The following MED27 variants were observed in gnomAD, a reference collection of about 807,000 sequenced individuals.
MED27 encodes the protein mediator of RNA polymerase II transcription subunit 27.
Under a neutral mutation model 38.2 loss-of-function variants are expected in MED27, and 30 were observed. The observed-to-expected ratio is 0.79, with a 90% confidence interval of 0.59 to 1.07. MED27 has a LOEUF of 1.07. Ranked by LOEUF, MED27 falls within the 50% of genes least tolerant of loss-of-function variation. MED27 has a pLI of 0.00. For synonymous variants in MED27, 122 were observed against 153.5 expected, an observed-to-expected ratio of 0.79 and a Z score of 1.52; for missense variants, 289 against 397.5, an observed-to-expected ratio of 0.73 and a Z score of 2.32.
chr9:132,042,099 C>T (rs1339973844), intron 2 of MED27, among the ~76,000 whole-genome samples: 1 of 152,112 alleles, frequency 6.6e-6, no homozygotes, highest in Non-Finnish European at 1.5e-5. Context: ...GAGCACGGCA[C>T]GGGAAGCACA....
intron 2 of MED27, among the ~76,000 whole-genome samples, chr9:132,045,274 C>T (rs1416387538): frequency 6.6e-6 from 1 of 152,026 alleles, no homozygotes; most frequent in African/African-American, 2.4e-5. Context: ...GGCAACATAT[C>T]TATCGATACA....
At position 131,898,877 on chromosome 9, in the gene MED27, G is replaced by T. The variant is rs114655384; in HGVS notation, c.574-4885C>A. ...TGGGATTATAGGCATGAGCCACTGC[G>T]CCCGGCCTGGATTTTTAACATGGTA... On this transcript the variant is annotated intron_variant, in intron 4 of 7. Transcript: ENST00000292035. Among the ~76,000 whole-genome samples the T allele has an allele frequency of 8.2e-3, 1,253 of 152,282 alleles. 18 individuals carry two copies. Among genetic ancestry groups the T allele is most frequent in the African/African-American group, 0.029 (1,187 of 41,542 alleles).
At chr9:131,912,528 T>G (rs1426389872) in intron 4 of MED27, among the ~76,000 whole-genome samples, 1 of 152,198 alleles carries the variant, frequency 6.6e-6, no homozygotes, top group Non-Finnish European at 1.5e-5. Flanking sequence ...ACAGCAATGC[T>G]GCTCCCCACT....
chr9:131,937,360 G>A (rs1830703273), intron 4 of MED27, among the ~76,000 whole-genome samples: 2 of 152,310 alleles, frequency 1.3e-5, no homozygotes, highest in South Asian at 2.1e-4. Context: ...AAGGTAACAA[G>A]TAGGCACCTA....
At chr9:131,887,767 G>A (rs968034765) in intron 5 of MED27, among the ~76,000 whole-genome samples, 6 of 152,148 alleles carry the variant, frequency 3.9e-5, no homozygotes, top group African/African-American at 1.4e-4. Flanking sequence ...AAAAGAAAGC[G>A]AAGCACCCTT....
intron 3 of MED27, among the ~76,000 whole-genome samples, chr9:132,012,581 T>A (rs1285568171): frequency 1.3e-5 from 2 of 152,004 alleles, no homozygotes; most frequent in Non-Finnish European, 2.9e-5. Context: ...CCCCTTGGGA[T>A]CCCCCCGGCT....
At chr9:131,905,713 A>C (rs1284138868) in intron 4 of MED27, among the ~76,000 whole-genome samples, 3 of 109,406 alleles carry the variant, frequency 2.7e-5, no homozygotes, top group South Asian at 3.4e-4. Context: ...AAAAAAAAAA[A>C]AAAAAAAAAA....
chr9:131,930,865 G>A (rs1251762488), intron 4 of MED27, among the ~76,000 whole-genome samples: 1 of 152,158 alleles, frequency 6.6e-6, no homozygotes, highest in African/African-American at 2.4e-5. Context: ...GCGGGGCCAT[G>A]AAAAAGTGTA....
At chr9:132,073,765 C>A (rs1222673687) in intron 2 of MED27, 4 of 1,495,084 alleles carry the variant, frequency 2.7e-6, no homozygotes, top group Admixed American at 2.5e-5. Context: ...AAAAATCAAA[C>A]GTGAAAAAAA....
chr9:131,909,838 T>C (rs1830155749), intron 4 of MED27, among the ~76,000 whole-genome samples: 1 of 152,214 alleles, frequency 6.6e-6, no homozygotes, highest in Non-Finnish European at 1.5e-5. Context: ...GTAGTTAGAA[T>C]ACTGAAAACT....
intron 2 of MED27, among the ~76,000 whole-genome samples, chr9:132,031,558 CTAT>C (rs1338820375): frequency 6.6e-6 from 1 of 152,046 alleles, no homozygotes; most frequent in African/African-American, 2.4e-5. Context: ...TGAGTCCCAG[CTAT>C]TCAGAGAGGT....
intron 5 of MED27, among the ~76,000 whole-genome samples, chr9:131,890,940 C>A (rs1839219115): frequency 6.6e-6 from 1 of 152,192 alleles, no homozygotes; most frequent in Non-Finnish European, 1.5e-5. Flanking sequence ...TTATTAATTG[C>A]AAGATGGACA....
At chr9:132,049,948 A>G (rs553208177) in intron 2 of MED27, among the ~76,000 whole-genome samples, 1 of 150,802 alleles carries the variant, frequency 6.6e-6, no homozygotes. Flanking sequence ...AAGTTAAACT[A>G]TTTTTTTTTT....
chr9:131,920,622 C>G (rs185440127), intron 4 of MED27, among the ~76,000 whole-genome samples: 6 of 152,032 alleles, frequency 3.9e-5, no homozygotes, highest in South Asian at 2.1e-4. Flanking sequence ...ATAAGTACAA[C>G]GAAAGAAAAT....
intron 2 of MED27, among the ~76,000 whole-genome samples, chr9:132,075,122 G>T (rs949546916): frequency 1.3e-5 from 2 of 152,184 alleles, no homozygotes; most frequent in Non-Finnish European, 1.5e-5. Context: ...AATGTGAATT[G>T]TTTCCAGGAT....
At chr9:131,930,193 C>T (rs1019878410) in intron 4 of MED27, among the ~76,000 whole-genome samples, 11 of 152,120 alleles carry the variant, frequency 7.2e-5, no homozygotes, top group Admixed American at 3.3e-4. Flanking sequence ...AAGTTTATTC[C>T]AAGGGGTAAC....
intron 3 of MED27, among the ~76,000 whole-genome samples, chr9:131,990,900 C>G (rs1244339346): frequency 2.0e-5 from 3 of 152,170 alleles, no homozygotes; most frequent in African/African-American, 7.2e-5. Context: ...AGATATGCAA[C>G]GGGAAATCCA....
chr9:131,937,555 A>T (rs1048291306), intron 4 of MED27, among the ~76,000 whole-genome samples: 2 of 152,206 alleles, frequency 1.3e-5, no homozygotes, highest in African/African-American at 4.8e-5. Flanking sequence ...CTGCCTTCTC[A>T]GGTGGAAGGA....
rs189140658 is a variant in MED27, at chr9:131,964,591, C to T, written c.480-25117G>A. The stretch of plus-strand genomic sequence containing the variant: ...ATACAAAACTGGGTATTTTCAATAA[C>T]ATAAGAACAAGAGAAAGAAGGCGGC... On this transcript the variant is annotated intron_variant, in intron 3 of 7. Coordinates refer to ENST00000292035, the MANE Select transcript of MED27 (RefSeq NM_004269.4). Among the ~76,000 whole-genome samples the T allele has an allele frequency of 7.0e-4, 106 of 152,186 alleles. 1 individual carries two copies. The highest frequency in any genetic ancestry group is 5.4e-3 in the Admixed American group (82 of 15,282).
Sources: allele counts gnomAD v4.1 joint callset (sites outside exome capture counted in the v4.1 genomes callset), GRCh38; gene constraint gnomAD v4.1.1; transcripts MANE v1.5; gene names NCBI Gene and HGNC (gene_info 2026-07-23, HGNC 2026-07-21).